ANKRD42: variants seen among roughly 807,000 people sequenced by gnomAD.
ANKRD42 encodes the protein ankyrin repeat domain 42.
In ANKRD42, 43 loss-of-function variants were observed where a neutral mutation model predicts 51.5. That is an observed-to-expected ratio of 0.83 (90% CI 0.65 to 1.08). The LOEUF (loss-of-function observed/expected upper bound fraction) is 1.08, where lower values mean the gene tolerates loss of function less well. Ranked by LOEUF, ANKRD42 falls within the 50% of genes least tolerant of loss-of-function variation. The probability of loss-of-function intolerance (pLI) is 0.00; values close to 1 mark genes in which losing one functional copy is unlikely to be tolerated. For synonymous variants in ANKRD42, 203 were observed against 213.0 expected, an observed-to-expected ratio of 0.95 and a Z score of 0.41; for missense variants, 608 against 629.3, an observed-to-expected ratio of 0.97 and a Z score of 0.36.
At chr11:83,253,824 G>A (rs1325651960), downstream of ANKRD42, among the ~76,000 whole-genome samples, 2 of 152,182 alleles carry the variant, frequency 1.3e-5, no homozygotes, top group Non-Finnish European at 2.9e-5. Flanking sequence ...CCTGTTGAAT[G>A]CCAAGCACAT....
At chr11:83,253,779 G>A (rs953943027), downstream of ANKRD42, among the ~76,000 whole-genome samples, 53 of 152,204 alleles carry the variant, frequency 3.5e-4, no homozygotes, top group African/African-American at 1.3e-3. Flanking sequence ...TTAGAATTGG[G>A]AGATTTGGAA....
intron 1 of ANKRD42, among the ~76,000 whole-genome samples, chr11:83,195,971 G>C (rs781669901): frequency 7.9e-5 from 12 of 151,086 alleles, no homozygotes; most frequent in South Asian, 2.1e-4. Flanking sequence ...TCAGCCTCCC[G>C]AGTAGCTAGG....
intron 5 of ANKRD42, among the ~76,000 whole-genome samples, chr11:83,212,389 T>C (rs1472508711): frequency 6.6e-6 from 1 of 152,158 alleles, no homozygotes; most frequent in Non-Finnish European, 1.5e-5. Context: ...CCCAACTTTT[T>C]TATTTTTTAA....
At chr11:83,213,126 T>C in intron 5 of ANKRD42, 2 of 1,601,934 alleles carry the variant, frequency 1.2e-6, no homozygotes, top group Middle Eastern at 1.7e-4. Flanking sequence ...CCCAGAGGTA[T>C]TGACAACAGG....
chr11:83,254,970 C>T (rs1863741251), intron 11 of ANKRD42, among the ~76,000 whole-genome samples: 1 of 152,176 alleles, frequency 6.6e-6, no homozygotes, highest in Non-Finnish European at 1.5e-5. Flanking sequence ...GGACCAGATG[C>T]ATGGTTGTTT....
intron 5 of ANKRD42, 122 bp from the exon 6 acceptor site, chr11:83,224,733 A>G: frequency 8.5e-6 from 6 of 709,424 alleles, no homozygotes; most frequent in Non-Finnish European, 8.3e-6. Context: ...ATAATGAGCT[A>G]TGATTGTGCC....
chr11:83,229,843 TTC>T (rs1219411142), intron 7 of ANKRD42, among the ~76,000 whole-genome samples: 1 of 152,134 alleles, frequency 6.6e-6, no homozygotes, highest in Non-Finnish European at 1.5e-5. Flanking sequence ...CATTTACCTT[TTC>T]TTTTTTTCTT....
In ANKRD42 at chr11:83,224,882, T is replaced by G; in HGVS notation, c.614T>G (p.Leu205Arg). ...CACTTAGCAGCCATGGAAGGCCACCTTCACTGTTTCAAATTCCTAGTCAGT... is the reference window on the plus strand; with the variant it reads ...CACTTAGCAGCCATGGAAGGCCACCGTCACTGTTTCAAATTCCTAGTCAGT... The part of the protein sequence containing the change: ...PVHLAAMEGH[L>R]HCFKFLVSRM... Residue 205 changes from leucine (L) to arginine (R), a missense_variant, in exon 6 of 11, where the codon CTT becomes CGT. Physicochemically the swap from Leu to Arg is moderately radical, Grantham distance 102 (BLOSUM62 -2). Transcript: ENST00000533342. The G allele has an allele frequency of 6.2e-7, 1 of 1,605,580 alleles. No individual in the cohort carries two copies. The highest frequency in any genetic ancestry group is 8.5e-7 in the Non-Finnish European group (1 of 1,174,726).
At chr11:83,196,374 A>G (rs1382913474) in intron 1 of ANKRD42, among the ~76,000 whole-genome samples, 1 of 150,472 alleles carries the variant, frequency 6.6e-6, no homozygotes, top group Non-Finnish European at 1.5e-5. Flanking sequence ...CTTTAGTAGT[A>G]GGATTTGTGT....
intron 5 of ANKRD42, among the ~76,000 whole-genome samples, chr11:83,220,547 A>C (rs1467902387): frequency 1.3e-5 from 2 of 152,130 alleles, no homozygotes; most frequent in Non-Finnish European, 2.9e-5. Flanking sequence ...AAAAAGCTAT[A>C]GGCTTTATTG....
At chr11:83,204,244 G>A (rs1197253907) in intron 2 of ANKRD42, among the ~76,000 whole-genome samples, 1 of 152,098 alleles carries the variant, frequency 6.6e-6, no homozygotes, top group Non-Finnish European at 1.5e-5. Context: ...CACCCAGCCG[G>A]TCAATTGATT....
At chr11:83,232,434 T>C (rs998387711) in intron 7 of ANKRD42, among the ~76,000 whole-genome samples, 2 of 152,210 alleles carry the variant, frequency 1.3e-5, no homozygotes, top group Admixed American at 6.5e-5. Context: ...TTTTTGTAAG[T>C]TGATTTTGTG....
chr11:83,222,584 C>A (rs1398061023), intron 5 of ANKRD42, among the ~76,000 whole-genome samples: 1 of 152,110 alleles, frequency 6.6e-6, no homozygotes, highest in Non-Finnish European at 1.5e-5. Context: ...GCTGAGGAAG[C>A]AGATTTTGTG....
At chr11:83,241,999 A>G (rs906111995) in intron 9 of ANKRD42, among the ~76,000 whole-genome samples, 1 of 152,230 alleles carries the variant, frequency 6.6e-6, no homozygotes, top group African/African-American at 2.4e-5. Flanking sequence ...GAGCAGACGT[A>G]GAATATCTGC....
At chr11:83,213,112 G>A in intron 5 of ANKRD42, 1 of 1,601,618 alleles carries the variant, frequency 6.2e-7, no homozygotes. Context: ...GTAACTGGCA[G>A]AAACCCAGAG....
chr11:83,254,434 TC>T (rs1405111703), intron 11 of ANKRD42, among the ~76,000 whole-genome samples: 1,777 of 126,836 alleles, frequency 0.014, 62 homozygotes, highest in Middle Eastern at 0.027. Flanking sequence ...TTTTTTCTTT[TC>T]TTTTTTTTTT....
chr11:83,201,078 C>T (rs1027147262), intron 2 of ANKRD42, among the ~76,000 whole-genome samples: 1 of 151,978 alleles, frequency 6.6e-6, no homozygotes, highest in African/African-American at 2.4e-5. Context: ...GTTTGCTGCA[C>T]CCAACAACCA....
chr11:83,241,784 G>A (rs1190078193), intron 9 of ANKRD42, among the ~76,000 whole-genome samples: 1 of 152,176 alleles, frequency 6.6e-6, no homozygotes, highest in Non-Finnish European at 1.5e-5. Flanking sequence ...GGTGGGGAAT[G>A]ATGTGATCTG....
At chr11:83,249,966 T>C (rs1863645712), downstream of ANKRD42, among the ~76,000 whole-genome samples, 2 of 152,362 alleles carry the variant, frequency 1.3e-5, no homozygotes, top group South Asian at 2.1e-4. Context: ...GTAGTAGTCA[T>C]TGTATTATTT....
Sources: gnomAD v4.1 joint callset for allele counts (sites outside exome capture counted in the v4.1 genomes callset) on GRCh38, gnomAD v4.1.1 for gene constraint, MANE v1.5 for transcripts, NCBI Gene and HGNC (gene_info 2026-07-23, HGNC 2026-07-21) for gene names.